The following GOLGA6L7 variants were observed in gnomAD, a reference collection of about 807,000 sequenced individuals.
The protein encoded by GOLGA6L7 is golgin subfamily A member 6-like protein 7.
Under a neutral mutation model 68.9 loss-of-function variants are expected in GOLGA6L7, and 29 were observed. The ratio of observed to expected loss-of-function variants is 0.42; its 90% CI spans 0.31 to 0.57. The LOEUF is 0.57. Among genes scored for constraint, GOLGA6L7 ranks in the 20% least tolerant of loss-of-function variants. The probability of loss-of-function intolerance (pLI) is 0.13; values close to 1 mark genes in which losing one functional copy is unlikely to be tolerated. For synonymous variants in GOLGA6L7, 133 were observed against 197.4 expected (o/e 0.67, Z 2.73); for missense variants, 396 against 588.4 (o/e 0.67, Z 3.38).
chr15:28,848,390 C>G lies in GOLGA6L7; in HGVS notation c.51+109G>C, dbSNP rs1200060403. The G allele has an allele frequency of 6.1e-6, 4 of 651,964 alleles. No individual in the cohort carries two copies. In the East Asian group the frequency reaches 8.2e-5, roughly 13 times the overall value. 40.4% of individuals were successfully genotyped at this position (651,964 alleles called of 1,614,324 possible). On this transcript the variant is annotated intron_variant, in intron 1 of 8. Coordinates refer to ENST00000567390, the MANE Select transcript of GOLGA6L7 (RefSeq NM_001365371.2). Reference sequence around the variant, plus strand: ...GGGAGCCCAGAGGCACTGGGGGGGGCCCGGCCCTGCGTGCCTCTGGAGTGA... The same window carrying G: ...GGGAGCCCAGAGGCACTGGGGGGGGGCCGGCCCTGCGTGCCTCTGGAGTGA...
At position 28,843,354 on chromosome 15, in the gene GOLGA6L7, T is replaced by C. The variant is rs1053291907; in HGVS notation, c.750A>G (p.Leu250=). The C allele has an allele frequency of 2.0e-5, 10 of 492,440 alleles. No individual in the cohort carries two copies. The highest frequency in any genetic ancestry group is 9.4e-4 in the Middle Eastern group (2 of 2,126). The allele number at this position is 492,440 out of a possible 1,614,324, so 30.5% of individuals were successfully genotyped here. ...TCCACATCTTCTCCTCGTGCTTCCG[T>C]AGCTTCTCCTGATCCCGTAGCTCCT... ...DQEELRDQEK[L]RKHEEKMWRQ... The change falls in exon 9 of 9, where the codon CTA becomes CTG. Residue 250 remains leucine (L), a synonymous_variant. Transcript: ENST00000567390.
rs2030404847 is a variant in GOLGA6L7 at position 28,845,818 on chromosome 15, G to A, written c.262-7C>T. 2 of 908,448 alleles carry A rather than the reference G, an allele frequency of 2.2e-6. No individual in the cohort carries two copies. Among genetic ancestry groups the A allele is most frequent in the East Asian group, 2.4e-5 (1 of 41,062 alleles). 56.3% of individuals were successfully genotyped at this position (908,448 alleles called of 1,614,324 possible). A position where few individuals can be genotyped will look rare whatever the true frequency, so the allele number is the denominator to read the frequency against. On this transcript the variant is annotated splice_region_variant and splice_polypyrimidine_tract_variant and intron_variant, in intron 4 of 8. Transcript: ENST00000567390. Reference sequence around the variant, plus strand: ...GTATGGTATGATCCTGGGCCTTTGGGAGACAAGAAAAGCAAGTGCTGAAAG... The same window carrying A: ...GTATGGTATGATCCTGGGCCTTTGGAAGACAAGAAAAGCAAGTGCTGAAAG...
At chr15:28,843,464 G>C in intron 8 of GOLGA6L7, 24 bp from the exon 9 acceptor site, 1 of 508,610 alleles carries the variant, frequency 2.0e-6, no homozygotes, top group Non-Finnish European at 3.1e-6. Context: ...AGAGTCATAA[G>C]CTAGGTATAT....
intron 6 of GOLGA6L7, chr15:28,844,830 G>T (rs2030354978): frequency 5.8e-6 from 1 of 171,094 alleles, no homozygotes; most frequent in Non-Finnish European, 1.2e-5. Flanking sequence ...CTATTGTGTA[G>T]ATGAAAAACA....
Position 28,843,818 on chromosome 15 carries a change from C to T in GOLGA6L7, c.579G>A (p.Leu193=), listed in dbSNP as rs2030307156. ...GGATCTCAGACTTTTCAGTTTCTAC[C>T]AGTCGAAGTTTTTCTTGTAGTTCGG... ...KNAELQEKLR[L]VETEKSEIQL... The change falls in exon 8 of 9, where the codon CTG becomes CTA. Residue 193 remains leucine (L), a synonymous_variant. Transcript: ENST00000567390. The T allele has an allele frequency of 2.5e-6, 2 of 800,004 alleles. No homozygotes were observed. Among genetic ancestry groups the T allele is most frequent in the Non-Finnish European group, 4.2e-6 (2 of 481,422 alleles). 49.6% of individuals were successfully genotyped at this position (800,004 alleles called of 1,614,324 possible). A position where few individuals can be genotyped will look rare whatever the true frequency, so the allele number is the denominator to read the frequency against.
At chr15:28,846,823 TA>T (rs2030450450) in intron 2 of GOLGA6L7, 1 of 477,984 alleles carries the variant, frequency 2.1e-6, no homozygotes, top group Admixed American at 3.6e-5. Flanking sequence ...AAATCTGATT[TA>T]AGCTTCACAC....
intron 3 of GOLGA6L7, 48 bp from the exon 4 acceptor site, chr15:28,845,998 G>A: frequency 2.0e-6 from 2 of 977,174 alleles, no homozygotes; most frequent in Non-Finnish European, 1.6e-6. Flanking sequence ...GGGAGGCAGA[G>A]ATGGCACAGC....
chr15:28,845,679 G>A, intron 5 of GOLGA6L7, 39 bp downstream of exon 5: 1 of 754,786 alleles, frequency 1.3e-6, no homozygotes, highest in Non-Finnish European at 2.4e-6. Context: ...GCCTGTGAAA[G>A]TGCCAGGTTG....
rs2030532627 is a variant in GOLGA6L7 at position 28,848,633 on chromosome 15, A to C, written c.-84T>G. ...ATATGCCTCCAGTCACGTACCACAC[A>C]GCTATGTGACTGAGCCACAGGAGGC... On this transcript the variant is annotated 5_prime_UTR_variant, in exon 1 of 9. Transcript: ENST00000567390. The C allele has an allele frequency of 4.0e-6, 3 of 742,194 alleles. No homozygotes were observed. The highest frequency in any genetic ancestry group is 4.9e-6 in the Non-Finnish European group (2 of 405,958). The allele number at this position is 742,194 out of a possible 1,614,324, so 46.0% of individuals were successfully genotyped here. A position where few individuals can be genotyped will look rare whatever the true frequency, so the allele number is the denominator to read the frequency against.
At chr15:28,844,518 C>T (rs1234504241) in intron 6 of GOLGA6L7, among the ~76,000 whole-genome samples, 1 of 150,748 alleles carries the variant, frequency 6.6e-6, no homozygotes, top group South Asian at 2.1e-4. Flanking sequence ...GCAACCTCCG[C>T]CTCCCGGCTT....
Position 28,842,352 on chromosome 15 carries a change from G to A in GOLGA6L7, c.1752C>T (p.Ile584=). The stretch of plus-strand genomic sequence containing the variant: ...TCTTCATTCCAGGGGGCAGCTGCAT[G>A]ATCTGTGCAGTGCGGTTGTCATGGG... The part of the protein sequence containing the change: ...GYSHDNRTAQ[I]MQLPPGMKNA... Residue 584 remains isoleucine, a synonymous_variant, in exon 9 of 9, where the codon ATC becomes ATT. Coordinates refer to ENST00000567390, the MANE Select transcript of GOLGA6L7 (RefSeq NM_001365371.2). The A allele has an allele frequency of 1.6e-6, 2 of 1,231,234 alleles. No homozygotes were observed. Among genetic ancestry groups the A allele is most frequent in the Non-Finnish European group, 2.0e-6 (2 of 985,650 alleles). The allele number at this position is 1,231,234 out of a possible 1,614,324, so 76.3% of individuals were successfully genotyped here.
Position 28,847,073 on chromosome 15 carries a change from C to T in GOLGA6L7, c.171G>A (p.Ser57=), listed in dbSNP as rs373223686. 0.031 allele frequency: 28,634 copies of T among 920,896 alleles called. 275 individuals are homozygous for T. The highest frequency in any genetic ancestry group is 0.17 in the African/African-American group (5,517 of 33,120). The allele number at this position is 920,896 out of a possible 1,614,324, so 57.0% of individuals were successfully genotyped here. A position where few individuals can be genotyped will look rare whatever the true frequency, so the allele number is the denominator to read the frequency against. ...PETTTSGGCH[S]PEDKQQNRAQ... is the part of the protein sequence containing the mutation. ...GCCAGCCAAGACTCACATCCTCAGG[C>T]GAGTGGCAGCCCCCCGAAGTGGTTG... Residue 57 remains serine (S), a synonymous_variant, in exon 2 of 9, where the codon TCG becomes TCA. Coordinates refer to ENST00000567390, the MANE Select transcript of GOLGA6L7 (RefSeq NM_001365371.2).
intron 1 of GOLGA6L7, among the ~76,000 whole-genome samples, chr15:28,848,130 C>T (rs1011190014): frequency 6.6e-6 from 1 of 152,166 alleles, no homozygotes; most frequent in African/African-American, 2.4e-5. Flanking sequence ...CCCCAGGAGT[C>T]ACCTGCCCAA....
At chr15:28,843,684 A>C in intron 8 of GOLGA6L7, 50 bp downstream of exon 8, 1 of 625,416 alleles carries the variant, frequency 1.6e-6, no homozygotes, top group South Asian at 1.9e-5. Flanking sequence ...TCCCTAGACC[A>C]TGTCCCAGCC....
Position 28,844,184 on chromosome 15 carries a change from TCCCCCCCTCCC to T in GOLGA6L7, c.521+10_521+20del, listed in dbSNP as rs2141052700. ...ACGCTAAGGGCTCTCAGACCTCCCA[TCCCCCCCTCCC>T]CTATCCTACATGTTCCTGAACAGCT... On this transcript the variant is annotated intron_variant, in intron 7 of 8. Coordinates refer to ENST00000567390, the MANE Select transcript of GOLGA6L7 (RefSeq NM_001365371.2). The T allele has an allele frequency of 1.3e-5, 4 of 316,478 alleles. No individual in the cohort carries two copies. In the East Asian group the frequency reaches 2.1e-4, roughly 17 times the overall value. The allele number at this position is 316,478 out of a possible 1,614,324, so 19.6% of individuals were successfully genotyped here.
chr15:28,847,449 C>T (rs2030480166), intron 1 of GOLGA6L7, among the ~76,000 whole-genome samples: 1 of 151,658 alleles, frequency 6.6e-6, no homozygotes, highest in Non-Finnish European at 1.5e-5. Context: ...AGACCAAAAC[C>T]AGAGGCAGAG....
chr15:28,844,430 C>CTTTTTTTTT (rs3062970), intron 6 of GOLGA6L7, among the ~76,000 whole-genome samples, 167 bp from the exon 7 acceptor site: 18 of 128,720 alleles, frequency 1.4e-4, no homozygotes, highest in East Asian at 1.2e-3. Context: ...TTTTTCTTTT[C>CTTTTTTTTT]TTTTTTTTTT....
At chr15:28,847,567 G>T (rs1232218241) in intron 1 of GOLGA6L7, among the ~76,000 whole-genome samples, 1 of 152,254 alleles carries the variant, frequency 6.6e-6, no homozygotes, top group African/African-American at 2.4e-5. Context: ...TCTGTTAAAT[G>T]TGGGAATTAA....
chr15:28,845,339 C>T lies in GOLGA6L7; in HGVS notation c.462+190G>A, dbSNP rs550555346. 9.3e-4 allele frequency: 631 copies of T among 680,320 alleles called. 5 individuals carry two copies. Among genetic ancestry groups the T allele is most frequent in the South Asian group, 2.9e-3 (185 of 64,346 alleles). 42.1% of individuals were successfully genotyped at this position (680,320 alleles called of 1,614,324 possible). ...TGTGTCCAGTGCTCGCTCCCCACAG[C>T]GCCCCGCAACTCACCCACAGCAGCT... On this transcript the variant is annotated intron_variant, in intron 6 of 8. Coordinates refer to ENST00000567390, the MANE Select transcript of GOLGA6L7 (RefSeq NM_001365371.2).
Sources: gnomAD v4.1 joint callset for allele counts (sites outside exome capture counted in the v4.1 genomes callset) on GRCh38, gnomAD v4.1.1 for gene constraint, MANE v1.5 for transcripts, NCBI Gene and HGNC (gene_info 2026-07-23, HGNC 2026-07-21) for gene names.